The following ANKRD55 variants were observed in gnomAD, a reference collection of about 807,000 sequenced individuals.
The protein encoded by ANKRD55 is ankyrin repeat domain-containing protein 55.
ANKRD55 carries 41 observed loss-of-function variants against 60.6 expected under a neutral mutation model. That is an observed-to-expected ratio of 0.68 (90% CI 0.53 to 0.88). The LOEUF (loss-of-function observed/expected upper bound fraction) is 0.88. Ranked by LOEUF, ANKRD55 falls within the 40% of genes least tolerant of loss-of-function variation. The probability of loss-of-function intolerance (pLI) is 0.00; values close to 1 mark genes in which losing one functional copy is unlikely to be tolerated. For synonymous variants in ANKRD55, 264 were observed against 290.3 expected (o/e 0.91, Z 0.92); for missense variants, 732 against 767.6 (o/e 0.95, Z 0.55).
chr5:56,220,785 C>A (rs1368624220), intron 2 of ANKRD55, among the ~76,000 whole-genome samples: 1 of 152,108 alleles, frequency 6.6e-6, no homozygotes, highest in Non-Finnish European at 1.5e-5. Flanking sequence ...TGCACTCCAG[C>A]CTGGGTGACA....
At chr5:56,101,111 A>T (rs1466964907) in intron 11 of ANKRD55, among the ~76,000 whole-genome samples, 1 of 152,208 alleles carries the variant, frequency 6.6e-6, no homozygotes, top group Non-Finnish European at 1.5e-5. Context: ...AGTTGTACTA[A>T]GACCCTATTT....
At chr5:56,137,109 A>G (rs1757625239) in intron 7 of ANKRD55, 4 of 1,174,390 alleles carry the variant, frequency 3.4e-6, no homozygotes, top group Non-Finnish European at 5.1e-6. Context: ...ATGAAAAGCC[A>G]CAAAGTATCT....
chr5:56,112,663 C>T (rs543562471), intron 9 of ANKRD55, among the ~76,000 whole-genome samples: 7 of 152,174 alleles, frequency 4.6e-5, no homozygotes, highest in South Asian at 2.1e-4. Context: ...CAGCAGTTGT[C>T]GAGAGGTTCC....
At chr5:56,137,960 A>C (rs1158044499) in intron 7 of ANKRD55, among the ~76,000 whole-genome samples, 8 of 152,106 alleles carry the variant, frequency 5.3e-5, no homozygotes, top group Admixed American at 2.0e-4. Flanking sequence ...ACACAAACTA[A>C]AACAACCATG....
rs868442826 is a variant in ANKRD55, at chr5:56,140,924, G to A, written c.612+2877C>T. On this transcript the variant is annotated intron_variant, in intron 7 of 11. Transcript: ENST00000341048. ...CTAAAAATACAAAAATTAGGCAGTC[G>A]TGGTGGTGTGTGCCTGTAATTCCAG... Among the ~76,000 whole-genome samples, 6 of 151,990 alleles carry A rather than the reference G, an allele frequency of 3.9e-5. No individual in the cohort carries two copies. In the East Asian group the frequency reaches 5.8e-4, roughly 15 times the overall value.
intron 7 of ANKRD55, among the ~76,000 whole-genome samples, chr5:56,135,247 C>T (rs868440381): frequency 3.6e-5 from 5 of 137,598 alleles, no homozygotes; most frequent in Non-Finnish European, 4.7e-5. Flanking sequence ...TCCTTCCTTC[C>T]TTCCTTCCTT....
At chr5:56,110,608 A>C (rs1166616136) in intron 10 of ANKRD55, 1 of 155,368 alleles carries the variant, frequency 6.4e-6, no homozygotes, top group East Asian at 1.9e-4. Flanking sequence ...GAATTGCTTT[A>C]CAACCCTTTG....
intron 8 of ANKRD55, among the ~76,000 whole-genome samples, chr5:56,119,047 C>A (rs888956305): frequency 5.9e-5 from 9 of 152,144 alleles, no homozygotes; most frequent in African/African-American, 1.7e-4. Context: ...ATACTTATAA[C>A]CTACAAATCC....
intron 5 of ANKRD55, among the ~76,000 whole-genome samples, chr5:56,166,150 CTTTCTTCT>C (rs1561277841): frequency 6.8e-4 from 54 of 79,178 alleles, no homozygotes; most frequent in Middle Eastern, 4.8e-3. Context: ...TTCTTTCTTT[CTTTCTTCT>C]TTCCTTCCTT....
At chr5:56,102,422 GA>G in intron 11 of ANKRD55, 71 bp downstream of exon 11, 1 of 1,129,682 alleles carries the variant, frequency 8.9e-7, no homozygotes, top group Non-Finnish European at 1.3e-6. Flanking sequence ...AAAGTAAACG[GA>G]AATAACATTT....
intron 8 of ANKRD55, 38 bp from the exon 9 acceptor site, chr5:56,116,820 C>T: frequency 1.3e-6 from 2 of 1,524,610 alleles, no homozygotes; most frequent in East Asian, 5.0e-5. Context: ...AGCGTCTGAG[C>T]ATGTGAATTG....
chr5:56,206,336 A>G (rs536114891), intron 2 of ANKRD55, among the ~76,000 whole-genome samples: 8 of 152,144 alleles, frequency 5.3e-5, no homozygotes, highest in Non-Finnish European at 1.0e-4. Flanking sequence ...CTGACCCTTT[A>G]AAGTGTATGA....
intron 2 of ANKRD55, among the ~76,000 whole-genome samples, chr5:56,211,289 G>T (rs1308253509): frequency 6.6e-6 from 1 of 152,182 alleles, no homozygotes; most frequent in Non-Finnish European, 1.5e-5. Flanking sequence ...TTTCAGGACC[G>T]TTTCAATGCC....
At chr5:56,160,151 G>A (rs1193117384) in intron 5 of ANKRD55, among the ~76,000 whole-genome samples, 1 of 152,156 alleles carries the variant, frequency 6.6e-6, no homozygotes, top group African/African-American at 2.4e-5. Context: ...GGGCACAAGG[G>A]GATGGAGAAA....
intron 7 of ANKRD55, among the ~76,000 whole-genome samples, chr5:56,130,527 A>G (rs1030280266): frequency 1.3e-5 from 2 of 152,204 alleles, no homozygotes; most frequent in African/African-American, 4.8e-5. Context: ...CTTCACCATT[A>G]CATTACTAAA....
At chr5:56,153,115 G>A (rs537678852) in intron 6 of ANKRD55, among the ~76,000 whole-genome samples, 4 of 151,512 alleles carry the variant, frequency 2.6e-5, no homozygotes, top group Admixed American at 2.0e-4. Flanking sequence ...TGGATCAATC[G>A]ACAAAGAATG....
chr5:56,105,645 G>A lies in ANKRD55; in HGVS notation c.1631-3059C>T, dbSNP rs545250703. 4.6e-5 allele frequency among the ~76,000 whole-genome samples: 7 copies of A among 152,316 alleles called. No homozygotes were observed. The South Asian group carries it at 1.4e-3, about 32-fold the overall frequency. On this transcript the variant is annotated intron_variant, in intron 10 of 11. Coordinates refer to ENST00000341048, the MANE Select transcript of ANKRD55 (RefSeq NM_024669.3). ...AGGTAGGGGTGGGGATTTGAGATGGGCGGTGCAGAAGCTGAGCATGACCAT... is the reference window on the plus strand; with the variant it reads ...AGGTAGGGGTGGGGATTTGAGATGGACGGTGCAGAAGCTGAGCATGACCAT...
chr5:56,141,263 C>A lies in ANKRD55; in HGVS notation c.612+2538G>T, dbSNP rs188525469. On this transcript the variant is annotated intron_variant, in intron 7 of 11. Transcript: ENST00000341048. ...GTGAGATTATAGCCACAGCTCCCAG[C>A]CAATACAAATATTTTTTTTAAGAGC... 1.5e-3 allele frequency among the ~76,000 whole-genome samples: 215 copies of A among 145,708 alleles called. 1 individual carries two copies. The highest frequency in any genetic ancestry group is 3.8e-3 in the Middle Eastern group (1 of 260).
At chr5:56,140,092 T>C (rs1014105016) in intron 7 of ANKRD55, among the ~76,000 whole-genome samples, 2 of 152,172 alleles carry the variant, frequency 1.3e-5, no homozygotes, top group Admixed American at 6.5e-5. Flanking sequence ...CAATGAACTA[T>C]AGCTTTAAAT....
Sources: gnomAD v4.1 joint callset for allele counts (sites outside exome capture counted in the v4.1 genomes callset) on GRCh38, gnomAD v4.1.1 for gene constraint, MANE v1.5 for transcripts, NCBI Gene and HGNC (gene_info 2026-07-23, HGNC 2026-07-21) for gene names.